Variants in OR1F1 observed in about 807,000 individuals in gnomAD.
The protein encoded by OR1F1 is olfactory receptor 1F1.
For synonymous variants in OR1F1, 184 were observed against 156.7 expected (o/e 1.17, Z -1.30); for missense variants, 493 against 376.3 (o/e 1.31, Z -2.57).
At chr16:3,195,068 C>T in the OR1F1 span, among the ~76,000 whole-genome samples, 5 of 152,274 alleles carry the variant, frequency 3.3e-5, no homozygotes, top group African/African-American at 4.8e-5. Context: ...CCGTGTCCCC[C>T]GGAGCACAAT....
the OR1F1 span, among the ~76,000 whole-genome samples, chr16:3,189,087 C>T: frequency 6.6e-6 from 1 of 152,206 alleles, no homozygotes; most frequent in African/African-American, 2.4e-5. Context: ...ACGTGGGAAA[C>T]TCGCTTTCTG....
chr16:3,189,839 A>G, the OR1F1 span: 1 of 152,240 alleles, frequency 6.6e-6, no homozygotes, highest in Non-Finnish European at 1.5e-5. Context: ...GACGCCGCCT[A>G]CTATCCCACT....
chr16:3,192,139 C>T, the OR1F1 span, among the ~76,000 whole-genome samples: 1 of 152,178 alleles, frequency 6.6e-6, no homozygotes, highest in South Asian at 2.1e-4. Context: ...TCGGTTGAAG[C>T]TCCTTCTCCT....
chr16:3,192,925 AAG>A, the OR1F1 span, among the ~76,000 whole-genome samples: 1 of 152,068 alleles, frequency 6.6e-6, no homozygotes, highest in Non-Finnish European at 1.5e-5. Context: ...ATTAAAAAAA[AAG>A]AGTTTTTAAA....
chr16:3,189,761 T>G, the OR1F1 span: 6 of 151,974 alleles, frequency 3.9e-5, no homozygotes, highest in Admixed American at 3.9e-4. Context: ...TCGGCTCGAC[T>G]TACAGACCTC....
At chr16:3,188,817 C>T in the OR1F1 span, among the ~76,000 whole-genome samples, 1 of 152,206 alleles carries the variant, frequency 6.6e-6, no homozygotes, top group Admixed American at 6.5e-5. Flanking sequence ...GGAACCGATG[C>T]CCGACGCCTG....
chr16:3,190,982 A>G, the OR1F1 span, among the ~76,000 whole-genome samples: 2 of 152,200 alleles, frequency 1.3e-5, no homozygotes, highest in Non-Finnish European at 2.9e-5. Context: ...TTCTAGATAT[A>G]AAAGCACACA....
upstream of OR1F1, chr16:3,204,166 T>C (rs1958170670): frequency 2.9e-6 from 3 of 1,030,888 alleles, no homozygotes; most frequent in Non-Finnish European, 4.2e-6. Flanking sequence ...CTGCCATTCC[T>C]GTGCCCCATC....
chr16:3,206,152 G>C (rs1340308356), downstream of OR1F1, among the ~76,000 whole-genome samples: 2 of 152,214 alleles, frequency 1.3e-5, no homozygotes, highest in African/African-American at 4.8e-5. Flanking sequence ...GTCTTATGCA[G>C]TTGAGATAAG....
At chr16:3,203,247 A>G (rs376494078), upstream of OR1F1, among the ~76,000 whole-genome samples, 7 of 152,328 alleles carry the variant, frequency 4.6e-5, no homozygotes, top group East Asian at 3.9e-4. Flanking sequence ...CCTAGTGGCC[A>G]TGGAGGCTCC....
chr16:3,189,169 T>C, the OR1F1 span, among the ~76,000 whole-genome samples: 64 of 152,316 alleles, frequency 4.2e-4, no homozygotes, highest in Middle Eastern at 0.014. Context: ...GTAGGGTGCC[T>C]GGTAGCTGGT....
chr16:3,190,495 A>G, the OR1F1 span, among the ~76,000 whole-genome samples: 1 of 152,224 alleles, frequency 6.6e-6, no homozygotes, highest in Admixed American at 6.5e-5. Context: ...TCACGCCTGC[A>G]ATCCCAGCAC....
At chr16:3,198,173 G>C in the OR1F1 span, among the ~76,000 whole-genome samples, 1 of 151,520 alleles carries the variant, frequency 6.6e-6, no homozygotes, top group South Asian at 2.1e-4. Flanking sequence ...GAGAGAGACA[G>C]AGAGAGAGAT....
chr16:3,197,681 G>A, the OR1F1 span, among the ~76,000 whole-genome samples: 1 of 139,932 alleles, frequency 7.1e-6, no homozygotes, highest in African/African-American at 2.7e-5. Flanking sequence ...TGGGGAGAGA[G>A]GGAGAGGGAG....
At chr16:3,197,306 A>G in the OR1F1 span, among the ~76,000 whole-genome samples, 3 of 152,118 alleles carry the variant, frequency 2.0e-5, no homozygotes, top group African/African-American at 7.2e-5. Flanking sequence ...GGTGTGAGCC[A>G]CTGTGCCCAG....
chr16:3,192,010 G>C, the OR1F1 span, among the ~76,000 whole-genome samples: 1 of 152,114 alleles, frequency 6.6e-6, no homozygotes, highest in African/African-American at 2.4e-5. Flanking sequence ...CTAGGGGTAT[G>C]ATTCTCGCTT....
chr16:3,201,193 A>C (rs1958131127), upstream of OR1F1, among the ~76,000 whole-genome samples: 1 of 152,230 alleles, frequency 6.6e-6, no homozygotes, highest in African/African-American at 2.4e-5. Flanking sequence ...CATCATAAGG[A>C]TCTACCACAT....
the OR1F1 span, among the ~76,000 whole-genome samples, chr16:3,192,653 C>T: frequency 1.6e-4 from 25 of 152,256 alleles, 1 homozygote; most frequent in African/African-American, 5.5e-4. Context: ...TTTGAGCAGC[C>T]TCAAGGGGAG....
At chr16:3,203,247 A>C (rs376494078), upstream of OR1F1, among the ~76,000 whole-genome samples, 1 of 152,210 alleles carries the variant, frequency 6.6e-6, no homozygotes, top group Admixed American at 6.5e-5. Flanking sequence ...CCTAGTGGCC[A>C]TGGAGGCTCC....
Sources: gnomAD v4.1 joint callset for allele counts (sites outside exome capture counted in the v4.1 genomes callset) on GRCh38, gnomAD v4.1.1 for gene constraint, MANE v1.5 for transcripts, NCBI Gene and HGNC (gene_info 2026-07-23, HGNC 2026-07-21) for gene names.